HAPSTR1: variants seen among roughly 807,000 people sequenced by gnomAD.
The protein encoded by HAPSTR1 is HUWE1-associated protein modifying stress responses 1.
chr16:9,118,038 A>G, the HAPSTR1 span: 1 of 152,656 alleles, frequency 6.6e-6, no homozygotes, highest in South Asian at 2.1e-4. Flanking sequence ...GCTGTTAGGT[A>G]GACCTAAATA....
chr16:9,097,349 C>T, the HAPSTR1 span, among the ~76,000 whole-genome samples: 8 of 151,084 alleles, frequency 5.3e-5, no homozygotes, highest in Non-Finnish European at 8.8e-5. Context: ...CTCAAGTGAT[C>T]CTCCCACCTC....
the HAPSTR1 span, chr16:9,111,627 T>C: frequency 1.3e-5 from 2 of 152,168 alleles, no homozygotes; most frequent in African/African-American, 4.8e-5. Flanking sequence ...TTTTTTTCAT[T>C]GCAGTGAAAA....
At chr16:9,114,168 A>C in the HAPSTR1 span, among the ~76,000 whole-genome samples, 1 of 152,022 alleles carries the variant, frequency 6.6e-6, no homozygotes, top group African/African-American at 2.4e-5. Flanking sequence ...GAGGAAGTGA[A>C]GTTCCTTTTT....
chr16:9,117,953 C>A, the HAPSTR1 span: 3 of 152,600 alleles, frequency 2.0e-5, no homozygotes, highest in Non-Finnish European at 4.4e-5. Context: ...TCTCCCTGTC[C>A]CTCCAATCCC....
chr16:9,092,328 C>CGGCCCT, the HAPSTR1 span: 103 of 1,299,558 alleles, frequency 7.9e-5, no homozygotes, highest in Non-Finnish European at 8.9e-5. Flanking sequence ...GGCCCGGCCC[C>CGGCCCT]GGCCCTATCG....
the HAPSTR1 span, chr16:9,117,158 A>C: frequency 6.2e-5 from 32 of 512,056 alleles, no homozygotes; most frequent in Admixed American, 1.1e-3. Context: ...TAGCAAGATC[A>C]TCATAGGCAA....
At chr16:9,097,993 G>C in the HAPSTR1 span, among the ~76,000 whole-genome samples, 1 of 152,154 alleles carries the variant, frequency 6.6e-6, no homozygotes, top group South Asian at 2.1e-4. Flanking sequence ...GGAAGGGGAG[G>C]ACAAGGATTG....
At chr16:9,107,448 G>T in the HAPSTR1 span, 1 of 152,320 alleles carries the variant, frequency 6.6e-6, no homozygotes, top group Non-Finnish European at 1.5e-5. Flanking sequence ...TCTGGAGGAG[G>T]TGAGCCTGGG....
chr16:9,097,675 C>G, the HAPSTR1 span, among the ~76,000 whole-genome samples: 1 of 152,200 alleles, frequency 6.6e-6, no homozygotes, highest in Non-Finnish European at 1.5e-5. Flanking sequence ...TTGAGCAGCC[C>G]AGGCTCCCCT....
chr16:9,107,651 T>G, the HAPSTR1 span: 1 of 152,272 alleles, frequency 6.6e-6, no homozygotes, highest in African/African-American at 2.4e-5. Context: ...AACCATTGGT[T>G]AGGTATCCTA....
At chr16:9,112,441 C>G in the HAPSTR1 span, 1 of 152,374 alleles carries the variant, frequency 6.6e-6, no homozygotes, top group East Asian at 1.9e-4. Context: ...GGTGGATCAA[C>G]GGTGTCTTCT....
chr16:9,099,765 TGA>T, the HAPSTR1 span, among the ~76,000 whole-genome samples: 1 of 152,178 alleles, frequency 6.6e-6, no homozygotes, highest in Non-Finnish European at 1.5e-5. Context: ...TGTGTGTGTA[TGA>T]GATTATCCAC....
the HAPSTR1 span, among the ~76,000 whole-genome samples, chr16:9,101,115 AAT>A: frequency 6.6e-6 from 1 of 152,194 alleles, no homozygotes; most frequent in Non-Finnish European, 1.5e-5. Flanking sequence ...TTAGTTGGTC[AAT>A]GACTTGATTT....
At chr16:9,107,239 C>T in the HAPSTR1 span, 1 of 152,248 alleles carries the variant, frequency 6.6e-6, no homozygotes, top group Non-Finnish European at 1.5e-5. Flanking sequence ...TTGAGCCATT[C>T]AGCACATTCT....
the HAPSTR1 span, among the ~76,000 whole-genome samples, chr16:9,095,264 ACTTTTT>A: frequency 6.6e-6 from 1 of 152,138 alleles, no homozygotes; most frequent in African/African-American, 2.4e-5. Flanking sequence ...ATAGCCTCAC[ACTTTTT>A]CTTTTTCAGG....
the HAPSTR1 span, chr16:9,091,769 G>A: frequency 2.5e-6 from 1 of 396,272 alleles, no homozygotes; most frequent in Non-Finnish European, 4.4e-6. Context: ...TGCGGCGGCC[G>A]AGGCGAGGGG....
the HAPSTR1 span, chr16:9,105,462 A>G: frequency 1.3e-5 from 2 of 152,334 alleles, no homozygotes; most frequent in African/African-American, 4.8e-5. Flanking sequence ...GGTTTGTGAG[A>G]ACATCAGTGT....
At chr16:9,102,759 A>C in the HAPSTR1 span, among the ~76,000 whole-genome samples, 1 of 152,158 alleles carries the variant, frequency 6.6e-6, no homozygotes, top group Admixed American at 6.5e-5. Context: ...TAACAAGCCA[A>C]GCTCCAGGAC....
At chr16:9,097,701 G>C in the HAPSTR1 span, among the ~76,000 whole-genome samples, 1 of 152,214 alleles carries the variant, frequency 6.6e-6, no homozygotes, top group Non-Finnish European at 1.5e-5. Flanking sequence ...GTTCTCCCCT[G>C]TGTGCACTCG....
Sources: allele counts gnomAD v4.1 joint callset (sites outside exome capture counted in the v4.1 genomes callset), GRCh38; gene constraint gnomAD v4.1.1; transcripts MANE v1.5; gene names NCBI Gene and HGNC (gene_info 2026-07-23, HGNC 2026-07-21).